The following PTGFRN variants were observed in gnomAD, a reference collection of about 807,000 sequenced individuals.
The protein encoded by PTGFRN is prostaglandin F2 receptor inhibitor.
A neutral mutation model predicts 83.2 loss-of-function variants in PTGFRN; 35 were observed. The observed-to-expected ratio is 0.42, with a 90% CI of 0.32 to 0.56. The LOEUF is 0.56. PTGFRN is among the 20% of genes least tolerant of loss of function. The probability of loss-of-function intolerance (pLI) is 0.11; values close to 1 mark genes in which losing one functional copy is unlikely to be tolerated. For missense variants in PTGFRN, 1,051 were observed against 1,179.5 expected (o/e 0.89, Z 1.60); for synonymous variants, 519 against 498.6 (o/e 1.04, Z -0.55).
At chr1:116,913,354 G>C (rs1649319221) in intron 1 of PTGFRN, among the ~76,000 whole-genome samples, 1 of 151,714 alleles carries the variant, frequency 6.6e-6, no homozygotes. Context: ...ATGAGTGAAA[G>C]TACATGGCTC....
At position 116,945,005 on chromosome 1, in the gene PTGFRN, G is replaced by C; in HGVS notation, c.745G>C (p.Val249Leu). The part of the protein sequence containing the change: ...SADQGSYRCI[V>L]SEWIAEQGNW... ...CGACCAGGGCTCCTACAGGTGTATC[G>C]TCAGCGAGTGGATCGCCGAGCAGGG... The change falls in exon 3 of 9, where the codon GTC becomes CTC. Residue 249 changes from valine (V) to leucine (L), a missense_variant. Physicochemically the swap from Val to Leu is conservative, Grantham distance 32. Coordinates refer to ENST00000393203, the MANE Select transcript of PTGFRN (RefSeq NM_020440.4). 6.2e-7 allele frequency: 1 copy of C among 1,613,848 alleles called. No homozygotes were observed. The highest frequency in any genetic ancestry group is 2.2e-5 in the East Asian group (1 of 44,880).
At chr1:116,929,239 T>C (rs1649733554) in intron 1 of PTGFRN, among the ~76,000 whole-genome samples, 1 of 152,208 alleles carries the variant, frequency 6.6e-6, no homozygotes, top group South Asian at 2.1e-4. Context: ...CATACACAAG[T>C]TAAGTCCTGA....
At chr1:116,945,766 C>G (rs1379760576) in intron 3 of PTGFRN, among the ~76,000 whole-genome samples, 1 of 146,124 alleles carries the variant, frequency 6.8e-6, no homozygotes, top group Non-Finnish European at 1.5e-5. Flanking sequence ...TTTTTTCAAA[C>G]CCTCTACTGC....
chr1:116,942,710 C>A (rs1650092666), intron 2 of PTGFRN, among the ~76,000 whole-genome samples: 1 of 152,208 alleles, frequency 6.6e-6, no homozygotes, highest in African/African-American at 2.4e-5. Flanking sequence ...GTGGTCTCTG[C>A]TAGCTTATTG....
At chr1:116,933,267 G>T (rs1328475890) in intron 1 of PTGFRN, among the ~76,000 whole-genome samples, 1 of 150,252 alleles carries the variant, frequency 6.7e-6, no homozygotes, top group African/African-American at 2.5e-5. Context: ...TTGTTATTCA[G>T]TCTTTCATTT....
intron 2 of PTGFRN, among the ~76,000 whole-genome samples, chr1:116,942,776 T>G (rs1404683128): frequency 6.6e-6 from 1 of 152,232 alleles, no homozygotes; most frequent in African/African-American, 2.4e-5. Flanking sequence ...GGATTTGTTT[T>G]GGGGGTTTTG....
intron 1 of PTGFRN, among the ~76,000 whole-genome samples, chr1:116,937,325 A>G (rs1649945908): frequency 6.6e-6 from 1 of 152,384 alleles, no homozygotes; most frequent in South Asian, 2.1e-4. Context: ...ACCTTTGAAC[A>G]GAGTAAGATA....
At chr1:116,939,107 T>G (rs1649997492) in intron 1 of PTGFRN, among the ~76,000 whole-genome samples, 1 of 152,220 alleles carries the variant, frequency 6.6e-6, no homozygotes. Context: ...TGAGTGTCAG[T>G]GGCTTTTCCA....
chr1:116,922,426 G>A (rs1264050841), intron 1 of PTGFRN, among the ~76,000 whole-genome samples: 1 of 152,150 alleles, frequency 6.6e-6, no homozygotes, highest in Non-Finnish European at 1.5e-5. Flanking sequence ...ATTCATCGGA[G>A]TCCTATTTTC....
chr1:116,932,971 T>C (rs1290150777), intron 1 of PTGFRN, among the ~76,000 whole-genome samples: 2 of 152,202 alleles, frequency 1.3e-5, no homozygotes, highest in African/African-American at 2.4e-5. Flanking sequence ...GGGGTGGTAA[T>C]AGCTACCTTA....
intron 4 of PTGFRN, among the ~76,000 whole-genome samples, chr1:116,954,372 A>G (rs931317884): frequency 6.6e-6 from 1 of 152,102 alleles, no homozygotes; most frequent in Non-Finnish European, 1.5e-5. Flanking sequence ...TGTTATACAA[A>G]TGGTGATCGT....
chr1:116,978,734 G>C (rs1374671496), intron 7 of PTGFRN, among the ~76,000 whole-genome samples: 1 of 152,074 alleles, frequency 6.6e-6, no homozygotes, highest in East Asian at 1.9e-4. Flanking sequence ...AAAATAATAA[G>C]AACTATTTAT....
chr1:116,967,961 A>G (rs1175042017), intron 6 of PTGFRN, among the ~76,000 whole-genome samples: 2 of 152,244 alleles, frequency 1.3e-5, no homozygotes, highest in East Asian at 1.9e-4. Context: ...GCTGAAGCTC[A>G]GCTACTTCAA....
At chr1:116,959,364 G>A (rs1222126241) in intron 4 of PTGFRN, among the ~76,000 whole-genome samples, 1 of 152,180 alleles carries the variant, frequency 6.6e-6, no homozygotes, top group Non-Finnish European at 1.5e-5. Flanking sequence ...GTACTCCCAT[G>A]GATGGGCACA....
At chr1:116,948,121 A>G (rs1013592002) in intron 3 of PTGFRN, among the ~76,000 whole-genome samples, 1 of 152,200 alleles carries the variant, frequency 6.6e-6, no homozygotes, top group African/African-American at 2.4e-5. Flanking sequence ...GCGACTTGCT[A>G]GAAGGCCAGG....
intron 1 of PTGFRN, among the ~76,000 whole-genome samples, chr1:116,935,094 C>G (rs1557961492): frequency 6.6e-6 from 1 of 152,222 alleles, no homozygotes; most frequent in Admixed American, 6.5e-5. Context: ...TTCTCAGCCA[C>G]TTACCACCTC....
chr1:116,983,249 T>A (rs1651371400), intron 7 of PTGFRN, among the ~76,000 whole-genome samples: 1 of 152,182 alleles, frequency 6.6e-6, no homozygotes, highest in Non-Finnish European at 1.5e-5. Flanking sequence ...AGCCTGGCCC[T>A]GGAGCCTGGC....
At chr1:116,986,377 A>G (rs987802482) in intron 8 of PTGFRN, among the ~76,000 whole-genome samples, 1 of 152,258 alleles carries the variant, frequency 6.6e-6, no homozygotes, top group African/African-American at 2.4e-5. Flanking sequence ...ATAATTTAGT[A>G]TAGTGTTACT....
chr1:116,928,062 C>T (rs1015169311), intron 1 of PTGFRN, among the ~76,000 whole-genome samples: 2 of 152,162 alleles, frequency 1.3e-5, no homozygotes, highest in Non-Finnish European at 2.9e-5. Flanking sequence ...CTCTGGACCA[C>T]CCTTCTTACC....
Sources: allele counts gnomAD v4.1 joint callset (sites outside exome capture counted in the v4.1 genomes callset), GRCh38; gene constraint gnomAD v4.1.1; transcripts MANE v1.5; gene names NCBI Gene and HGNC (gene_info 2026-07-23, HGNC 2026-07-21).